The following NALF1 variants were observed in gnomAD, a reference collection of about 807,000 sequenced individuals.
NALF1 encodes NALCN channel auxiliary factor 1, also known as family with sequence similarity 155 member A.
A neutral mutation model predicts 48.4 loss-of-function variants in NALF1; 3 were observed. That is an observed-to-expected ratio of 0.06 (90% CI 0.03 to 0.16). The LOEUF is 0.16. Ranked by LOEUF, NALF1 falls within the 10% of genes least tolerant of loss-of-function variation. NALF1 has a pLI of 1.00. For synonymous variants in NALF1, 262 were observed against 245.7 expected (o/e 1.07, Z -0.62); for missense variants, 526 against 571.5 (o/e 0.92, Z 0.81).
chr13:107,743,201 A>G (rs2138546008), intron 1 of NALF1, among the ~76,000 whole-genome samples: 1 of 152,324 alleles, frequency 6.6e-6, no homozygotes, highest in Admixed American at 6.5e-5. Context: ...TTGAGTCTCA[A>G]GTTTTCAGAG....
chr13:107,477,745 G>A (rs2139057902), intron 1 of NALF1, among the ~76,000 whole-genome samples: 1 of 152,062 alleles, frequency 6.6e-6, no homozygotes, highest in South Asian at 2.1e-4. Context: ...TAGGGCAGGA[G>A]GCTTTAGAAA....
chr13:107,215,704 T>C (rs1410304598), intron 1 of NALF1, among the ~76,000 whole-genome samples: 1 of 152,130 alleles, frequency 6.6e-6, no homozygotes, highest in East Asian at 1.9e-4. Flanking sequence ...AGGATCACCA[T>C]GGTTAACAAT....
chr13:107,847,569 A>G (rs969630418), intron 1 of NALF1, among the ~76,000 whole-genome samples: 1 of 152,218 alleles, frequency 6.6e-6, no homozygotes, highest in African/African-American at 2.4e-5. Context: ...GGCTTTAAAG[A>G]AGCCAGCTGC....
chr13:107,857,145 C>T (rs187738464), intron 1 of NALF1, among the ~76,000 whole-genome samples: 1 of 152,290 alleles, frequency 6.6e-6, no homozygotes, highest in East Asian at 1.9e-4. Context: ...GGCTTTTCTT[C>T]AACCTGCTCC....
chr13:107,862,138 A>G (rs1273009027), intron 1 of NALF1, among the ~76,000 whole-genome samples: 2 of 152,162 alleles, frequency 1.3e-5, no homozygotes, highest in Non-Finnish European at 2.9e-5. Flanking sequence ...TCTCAAACCC[A>G]CTTACACTGA....
chr13:107,427,551 G>A (rs1884301405), intron 1 of NALF1, among the ~76,000 whole-genome samples: 1 of 152,012 alleles, frequency 6.6e-6, no homozygotes, highest in Non-Finnish European at 1.5e-5. Flanking sequence ...TTTCAAGTGA[G>A]TTAACTTTTC....
chr13:107,782,167 C>A (rs1447396013), intron 1 of NALF1, among the ~76,000 whole-genome samples: 1 of 152,216 alleles, frequency 6.6e-6, no homozygotes. Flanking sequence ...GATTCTCCTG[C>A]CTCAGCCTGC....
intron 1 of NALF1, among the ~76,000 whole-genome samples, chr13:107,637,566 G>A (rs993241464): frequency 7.2e-5 from 11 of 152,154 alleles, no homozygotes; most frequent in Non-Finnish European, 1.3e-4. Context: ...GAACACTGCT[G>A]TGGCAGATTC....
At chr13:107,716,917 A>G (rs1189317934) in intron 1 of NALF1, among the ~76,000 whole-genome samples, 1 of 152,156 alleles carries the variant, frequency 6.6e-6, no homozygotes, top group Admixed American at 6.5e-5. Flanking sequence ...ACAGCCCAGG[A>G]TACTTTGAAT....
At chr13:107,427,101 T>C (rs1310745248) in intron 1 of NALF1, among the ~76,000 whole-genome samples, 1 of 151,696 alleles carries the variant, frequency 6.6e-6, no homozygotes, top group Non-Finnish European at 1.5e-5. Context: ...AAACTAAAAT[T>C]GTGTGATATG....
At chr13:107,560,187 T>A (rs1191884271) in intron 1 of NALF1, among the ~76,000 whole-genome samples, 2 of 152,106 alleles carry the variant, frequency 1.3e-5, no homozygotes, top group Non-Finnish European at 2.9e-5. Context: ...AATTCACAGG[T>A]TTCCAGGAAT....
chr13:107,408,091 G>T lies in NALF1; in HGVS notation c.916-197336C>A, dbSNP rs145869407. ...AACTCATGGAGATAGACGGTAGAAA[G>T]ATGGTTACCAGAGGCTGGGAATGAT... On this transcript the variant is annotated intron_variant, in intron 1 of 2. Transcript: ENST00000375915. Among the ~76,000 whole-genome samples the T allele has an allele frequency of 2.7e-3, 404 of 152,174 alleles. 8 individuals carry two copies. Among genetic ancestry groups the T allele is most frequent in the East Asian group, 0.025 (127 of 5,182 alleles).
intron 1 of NALF1, among the ~76,000 whole-genome samples, chr13:107,505,072 T>A (rs572674622): frequency 6.8e-6 from 1 of 146,568 alleles, no homozygotes; most frequent in South Asian, 2.1e-4. Flanking sequence ...TGGAGAGAAA[T>A]TCCAGGGGCA....
chr13:107,445,051 C>T (rs1884624863), intron 1 of NALF1, among the ~76,000 whole-genome samples: 1 of 152,136 alleles, frequency 6.6e-6, no homozygotes, highest in African/African-American at 2.4e-5. Flanking sequence ...AGTAAGGTAT[C>T]CAAATCAAAA....
intron 2 of NALF1, among the ~76,000 whole-genome samples, chr13:107,202,823 C>T (rs897389719): frequency 6.6e-6 from 1 of 152,132 alleles, no homozygotes; most frequent in Admixed American, 6.5e-5. Context: ...GAAACAATGG[C>T]TTACACATGA....
chr13:107,601,017 CG>C (rs58311859), intron 1 of NALF1, among the ~76,000 whole-genome samples: 83,939 of 151,874 alleles, frequency 0.55, 23,641 homozygotes, highest in African/African-American at 0.65. Flanking sequence ...GTATAAGTCA[CG>C]GTAGGTCTTC....
chr13:107,721,136 AC>A, intron 1 of NALF1, among the ~76,000 whole-genome samples: 1 of 151,880 alleles, frequency 6.6e-6, no homozygotes, highest in African/African-American at 2.4e-5. Context: ...ACACACACAC[AC>A]ACACACACAC....
chr13:107,388,899 T>C lies in NALF1; in HGVS notation c.916-178144A>G, dbSNP rs1191720221. 3.3e-5 allele frequency among the ~76,000 whole-genome samples: 5 copies of C among 152,324 alleles called. No individual in the cohort carries two copies. The South Asian group carries it at 6.2e-4, about 19-fold the overall frequency. ...AAAAACAGATGTAAGGATATACTGA[T>C]AATACATTACACATTCATGTAAACT... On this transcript the variant is annotated intron_variant, in intron 1 of 2. Transcript: ENST00000375915.
At chr13:107,649,758 A>G (rs1266977413) in intron 1 of NALF1, among the ~76,000 whole-genome samples, 1 of 152,214 alleles carries the variant, frequency 6.6e-6, no homozygotes, top group Non-Finnish European at 1.5e-5. Flanking sequence ...CTGAGATAGT[A>G]CAGGGTATTC....
Sources: gnomAD v4.1 joint callset for allele counts (sites outside exome capture counted in the v4.1 genomes callset) on GRCh38, gnomAD v4.1.1 for gene constraint, MANE v1.5 for transcripts, NCBI Gene and HGNC (gene_info 2026-07-23, HGNC 2026-07-21) for gene names.